Variants in NLRP9 observed in about 807,000 individuals in gnomAD.
NLRP9 encodes the protein NACHT, LRR and PYD domains-containing protein 9.
NLRP9 carries 88 observed loss-of-function variants against 83.1 expected under a neutral mutation model. The ratio of observed to expected loss-of-function variants is 1.06; its 90% CI spans 0.89 to 1.26. The LOEUF is 1.26. Among genes scored for constraint, NLRP9 ranks in the 50% most tolerant of loss-of-function variants. The pLI, the probability that NLRP9 is intolerant of heterozygous loss-of-function variation, is 0.00. For missense variants in NLRP9, 1,308 were observed against 1,179.3 expected, an observed-to-expected ratio of 1.11 and a Z score of -1.60; for synonymous variants, 521 against 447.6, an observed-to-expected ratio of 1.16 and a Z score of -2.07.
chr19:55,738,185 G>A lies in NLRP9; in HGVS notation c.190C>T (p.Pro64Ser). 6.2e-7 allele frequency: 1 copy of A among 1,614,002 alleles called. No homozygotes were observed. The highest frequency in any genetic ancestry group is 8.5e-7 in the Non-Finnish European group (1 of 1,179,948). The stretch of plus-strand genomic sequence containing the variant: ...GTTACCTCCCATGCCTGCTTTCCTG[G>A]GTAATGTTTGTCCAGCAGCTTTGCT... ...DVAKLLDKHY[P>S]GKQAWEVTLN... The change falls in exon 1 of 9, where the codon CCA becomes TCA. Residue 64 changes from proline (P) to serine (S), a missense_variant. Physicochemically the swap from Pro to Ser is moderately conservative, Grantham distance 74. Coordinates refer to ENST00000332836, the MANE Select transcript of NLRP9 (RefSeq NM_176820.4).
At position 55,732,388 on chromosome 19, in the gene NLRP9, C is replaced by G; in HGVS notation, c.1443G>C (p.Val481=). 1 of 1,614,184 alleles carries G rather than the reference C, an allele frequency of 6.2e-7. No homozygotes were observed. The highest frequency in any genetic ancestry group is 8.5e-7 in the Non-Finnish European group (1 of 1,180,028). The part of the protein sequence containing the change: ...GSITQLVRAS[V]VQPQTLLTQV... ...GGGTCAAGAGGGTTTGAGGCTGAAC[C>G]ACACTTGCTCTTACAAGCTGGGTTA... is the stretch of plus-strand genomic sequence containing the variant. Residue 481 remains valine, a synonymous_variant, in exon 2 of 9, where the codon GTG becomes GTC. Transcript: ENST00000332836.
chr19:55,729,809 G>T (rs368212512), intron 3 of NLRP9, 22 bp downstream of exon 3: 2 of 1,594,256 alleles, frequency 1.3e-6, no homozygotes, highest in African/African-American at 2.7e-5. Context: ...TTGCTTAAAG[G>T]ACAGGTTAAC....
chr19:55,713,396 A>G (rs1042313314), intron 6 of NLRP9, among the ~76,000 whole-genome samples: 10 of 151,804 alleles, frequency 6.6e-5, no homozygotes, highest in Non-Finnish European at 1.2e-4. Flanking sequence ...ATACACATAG[A>G]TGTGTGGATA....
chr19:55,720,536 C>T (rs1161079930), intron 4 of NLRP9, among the ~76,000 whole-genome samples: 2 of 152,032 alleles, frequency 1.3e-5, no homozygotes, highest in Admixed American at 6.6e-5. Context: ...CACTATGTTG[C>T]CCAGGCTGGT....
At position 55,732,505 on chromosome 19, in the gene NLRP9, G is replaced by A. The variant is rs748996545; in HGVS notation, c.1326C>T (p.Ala442=). The A allele has an allele frequency of 1.9e-6, 3 of 1,614,202 alleles. No individual in the cohort carries two copies. Among genetic ancestry groups the A allele is most frequent in the South Asian group, 2.2e-5 (2 of 91,082 alleles). ...ACTCTTGGATACACAGATGCATGAA[G>A]GCAAAACAGTCCCCTCTCCTTTGGA... ...RLLQRRGDCF[A]FMHLCIQEFC... The change falls in exon 2 of 9, where the codon GCC becomes GCT. Residue 442 remains alanine (A), a synonymous_variant. Coordinates refer to ENST00000332836, the MANE Select transcript of NLRP9 (RefSeq NM_176820.4).
chr19:55,710,583 T>TA (rs1987671418), intron 8 of NLRP9, among the ~76,000 whole-genome samples: 2 of 152,154 alleles, frequency 1.3e-5, no homozygotes, highest in Admixed American at 6.6e-5. Context: ...GTTCTCATGA[T>TA]AGAGTTCTCA....
chr19:55,712,566 G>A lies in NLRP9; in HGVS notation c.2526C>T (p.Ser842=), dbSNP rs760478157. The A allele has an allele frequency of 4.3e-5, 69 of 1,612,182 alleles. No homozygotes were observed. The highest frequency in any genetic ancestry group is 1.0e-4 in the Admixed American group (6 of 59,926). ...ELWLMGCFLT[S]DSCKDIAAVL... is the part of the protein sequence containing the mutation. The stretch of plus-strand genomic sequence containing the variant: ...CAGCAGCAATGTCCTTACAGGAATC[G>A]GAAGTAAGGAAACAGCCCATCAACC... Residue 842 remains serine (S), a synonymous_variant, in exon 7 of 9, where the codon TCC becomes TCT. Transcript: ENST00000332836.
At chr19:55,737,729 T>G (rs113130250) in intron 1 of NLRP9, 2,509 of 130,922 alleles carry the variant, frequency 0.019, 72 homozygotes, top group African/African-American at 0.074. Context: ...GCAAGACCCT[T>G]TCTCTAAAAA....
intron 1 of NLRP9, among the ~76,000 whole-genome samples, chr19:55,734,363 CAAAAAAAAAAAAAAA>C (rs59545375): frequency 1.3e-5 from 1 of 76,696 alleles, no homozygotes; most frequent in Non-Finnish European, 2.4e-5. Context: ...CACTCTATCT[CAAAAAAAAAAAAAAA>C]AAAAAAAAAA....
chr19:55,716,964 A>T lies in NLRP9; in HGVS notation c.2160-66T>A. 4 of 1,308,506 alleles carry T rather than the reference A, an allele frequency of 3.1e-6. No individual in the cohort carries two copies. In the South Asian group the frequency reaches 4.9e-5, roughly 16 times the overall value. The allele number at this position is 1,308,506 out of a possible 1,614,324, so 81.1% of individuals were successfully genotyped here. A position where few individuals can be genotyped will look rare whatever the true frequency, so the allele number is the denominator to read the frequency against. ...CAATCGCTCATGAAACATTATCCAC[A>T]GACCAAACGACACCTCTGATTCTAG... On this transcript the variant is annotated intron_variant, in intron 4 of 8. Transcript: ENST00000332836.
At chr19:55,734,516 TAC>T (rs200706363) in intron 1 of NLRP9, among the ~76,000 whole-genome samples, 22 of 98,556 alleles carry the variant, frequency 2.2e-4, no homozygotes, top group Admixed American at 4.2e-4. Flanking sequence ...CACATATATA[TAC>T]ACACACACAT....
At chr19:55,721,070 G>C (rs544106799) in intron 4 of NLRP9, among the ~76,000 whole-genome samples, 1 of 152,224 alleles carries the variant, frequency 6.6e-6, no homozygotes, top group East Asian at 1.9e-4. Flanking sequence ...ATCTGGTGAA[G>C]CCTCTGGTTA....
At chr19:55,731,448 G>A (rs1988566082) in intron 2 of NLRP9, among the ~76,000 whole-genome samples, 1 of 152,088 alleles carries the variant, frequency 6.6e-6, no homozygotes, top group African/African-American at 2.4e-5. Context: ...GCAAGGCCAG[G>A]CGCGGTGGCT....
chr19:55,713,969 A>G (rs1053620663), intron 6 of NLRP9, among the ~76,000 whole-genome samples: 2 of 135,784 alleles, frequency 1.5e-5, no homozygotes, highest in Non-Finnish European at 3.1e-5. Context: ...CAGCCCCAAC[A>G]ACACAGAATG....
chr19:55,730,110 C>G (rs1354735322), intron 2 of NLRP9, 118 bp from the exon 3 acceptor site: 2 of 884,354 alleles, frequency 2.3e-6, no homozygotes, highest in Non-Finnish European at 3.5e-6. Flanking sequence ...CAGGCCTGAA[C>G]AGGGAGAAGG....
intron 8 of NLRP9, among the ~76,000 whole-genome samples, chr19:55,710,710 T>G (rs1370345662): frequency 6.6e-6 from 1 of 152,204 alleles, no homozygotes; most frequent in African/African-American, 2.4e-5. Flanking sequence ...AAGTTTCCTG[T>G]GGCTACCTCA....
chr19:55,734,791 C>G (rs959841294), intron 1 of NLRP9, among the ~76,000 whole-genome samples: 1 of 151,888 alleles, frequency 6.6e-6, no homozygotes, highest in Non-Finnish European at 1.5e-5. Flanking sequence ...CCTGCCACCA[C>G]GCCCAGCTAA....
Position 55,712,445 on chromosome 19 carries a change from G to A in NLRP9, c.2647C>T (p.Pro883Ser), listed in dbSNP as rs1218991330. The change falls in exon 7 of 9, where the codon CCT becomes TCT. Residue 883 changes from proline (P) to serine (S), a missense_variant. Physicochemically the swap from Pro to Ser is moderately conservative, Grantham distance 74 (BLOSUM62 -1). Coordinates refer to ENST00000332836, the MANE Select transcript of NLRP9 (RefSeq NM_176820.4). ...CCGAGACACTCTAATTTACAGTGAGGATGCTGCAAAGCTGCACATAACTGT... is the reference window on the plus strand; with the variant it reads ...CCGAGACACTCTAATTTACAGTGAGAATGCTGCAAAGCTGCACATAACTGT... Reference protein sequence around the residue: ...VRQLCAALQHPHCKLECLGLQ... With the variant: ...VRQLCAALQHSHCKLECLGLQ... 2.5e-6 allele frequency: 4 copies of A among 1,612,718 alleles called. No individual in the cohort carries two copies. Among genetic ancestry groups the A allele is most frequent in the Admixed American group, 1.7e-5 (1 of 59,976 alleles).
In NLRP9 at chr19:55,732,388, C is replaced by A; in HGVS notation, c.1443G>T (p.Val481=). ...GSITQLVRAS[V]VQPQTLLTQV... ...GGGTCAAGAGGGTTTGAGGCTGAAC[C>A]ACACTTGCTCTTACAAGCTGGGTTA... Residue 481 remains valine (V), a synonymous_variant, in exon 2 of 9, where the codon GTG becomes GTT. Transcript: ENST00000332836. 6.2e-7 allele frequency: 1 copy of A among 1,614,184 alleles called. No individual in the cohort carries two copies. Among genetic ancestry groups the A allele is most frequent in the Non-Finnish European group, 8.5e-7 (1 of 1,180,028 alleles).
Sources: allele counts gnomAD v4.1 joint callset (sites outside exome capture counted in the v4.1 genomes callset), GRCh38; gene constraint gnomAD v4.1.1; transcripts MANE v1.5; gene names NCBI Gene and HGNC (gene_info 2026-07-23, HGNC 2026-07-21).